The following ZC3H12B variants were observed in gnomAD, a reference collection of about 807,000 sequenced individuals.
The protein encoded by ZC3H12B is zinc finger CCCH-type containing 12B.
ZC3H12B carries 7 observed loss-of-function variants against 43.9 expected under a neutral mutation model. The ratio of observed to expected loss-of-function variants is 0.16; its 90% CI spans 0.09 to 0.30. The LOEUF (loss-of-function observed/expected upper bound fraction) is 0.30, where lower values mean the gene tolerates loss of function less well. Among genes scored for constraint, ZC3H12B ranks in the 10% least tolerant of loss-of-function variants. The pLI, the probability that ZC3H12B is intolerant of heterozygous loss-of-function variation, is 1.00. For synonymous variants in ZC3H12B, 222 were observed against 241.7 expected (o/e 0.92, Z 0.76); for missense variants, 475 against 670.2 (o/e 0.71, Z 3.22).
intron 3 of ZC3H12B, among the ~76,000 whole-genome samples, chrX:65,459,070 A>G (rs1359108045): frequency 8.9e-6 from 1 of 112,041 alleles, no homozygotes; most frequent in African/African-American, 3.2e-5. Flanking sequence ...ATCAGAGAAT[A>G]CTATAAACAC....
At chrX:65,257,054 A>C in the ZC3H12B span, among the ~76,000 whole-genome samples, 1 of 112,220 alleles carries the variant, frequency 8.9e-6, no homozygotes, top group Non-Finnish European at 1.9e-5. Flanking sequence ...GTGATTCCTC[A>C]GGGATCTAGA....
At chrX:65,247,139 G>T in the ZC3H12B span, among the ~76,000 whole-genome samples, 1 of 112,242 alleles carries the variant, frequency 8.9e-6, no homozygotes. Flanking sequence ...ATGAGAAAAA[G>T]CTCAACATCA....
At chrX:65,213,866 T>C in the ZC3H12B span, among the ~76,000 whole-genome samples, 2 of 107,463 alleles carry the variant, frequency 1.9e-5, no homozygotes, top group Admixed American at 1.0e-4. Flanking sequence ...AAGTAAATCA[T>C]TTGAAGGCAA....
chrX:65,223,561 G>A, the ZC3H12B span, among the ~76,000 whole-genome samples: 1 of 112,546 alleles, frequency 8.9e-6, no homozygotes, highest in Non-Finnish European at 1.9e-5. Flanking sequence ...GAAAGTTTTT[G>A]TAGTCTATAC....
At chrX:65,073,886 C>T in the ZC3H12B span, among the ~76,000 whole-genome samples, 1 of 111,758 alleles carries the variant, frequency 8.9e-6, no homozygotes, top group Non-Finnish European at 1.9e-5. Context: ...CCTCCTCCTT[C>T]AGCCAAGCTT....
At chrX:65,053,303 C>T in the ZC3H12B span, among the ~76,000 whole-genome samples, 4 of 110,559 alleles carry the variant, frequency 3.6e-5, no homozygotes, top group African/African-American at 1.3e-4. Context: ...TTCCCCTTCC[C>T]ATGTCCATGT....
chrX:65,197,510 G>A, the ZC3H12B span, among the ~76,000 whole-genome samples: 1 of 112,057 alleles, frequency 8.9e-6, no homozygotes, highest in Non-Finnish European at 1.9e-5. Context: ...CATTACAAAA[G>A]GCCAATGAGT....
the ZC3H12B span, among the ~76,000 whole-genome samples, chrX:65,118,639 A>G: frequency 1.8e-5 from 2 of 110,438 alleles, no homozygotes; most frequent in African/African-American, 3.3e-5. Flanking sequence ...CTGTCTTGTG[A>G]CAGTTTTCTT....
At chrX:65,397,429 C>A (rs1341871545) in intron 2 of ZC3H12B, among the ~76,000 whole-genome samples, 1 of 111,295 alleles carries the variant, frequency 9.0e-6, no homozygotes, top group Admixed American at 9.6e-5. Flanking sequence ...TGTCTGTAAA[C>A]AATTTTATTT....
intron 2 of ZC3H12B, among the ~76,000 whole-genome samples, chrX:65,378,517 T>C (rs1372332385): frequency 9.0e-6 from 1 of 110,818 alleles, no homozygotes; most frequent in Non-Finnish European, 1.9e-5. Context: ...AAAATTACCT[T>C]CACTAAAAGG....
intron 3 of ZC3H12B, among the ~76,000 whole-genome samples, chrX:65,402,230 C>T (rs2066771764): frequency 8.9e-6 from 1 of 111,915 alleles, no homozygotes. Flanking sequence ...GGTTCTCTTC[C>T]TTTGGAAAGG....
At chrX:65,386,661 C>T (rs1286612252) in intron 2 of ZC3H12B, among the ~76,000 whole-genome samples, 2 of 111,232 alleles carry the variant, frequency 1.8e-5, no homozygotes, top group Admixed American at 1.9e-4. Flanking sequence ...TCTGCTCTGA[C>T]TGTAGTTATT....
the ZC3H12B span, among the ~76,000 whole-genome samples, chrX:65,053,141 G>T: frequency 3.6e-4 from 40 of 110,227 alleles, no homozygotes; most frequent in East Asian, 0.01. Flanking sequence ...AAGTTTTAGG[G>T]TACATGTGTA....
chrX:65,283,712 G>T, the ZC3H12B span, among the ~76,000 whole-genome samples: 5 of 111,384 alleles, frequency 4.5e-5, no homozygotes, highest in Non-Finnish European at 9.4e-5. Flanking sequence ...TGACACAGAA[G>T]CCGCTAAAGA....
chrX:65,435,619 G>T (rs780330858), intron 3 of ZC3H12B, among the ~76,000 whole-genome samples: 1 of 108,568 alleles, frequency 9.2e-6, no homozygotes, highest in African/African-American at 3.4e-5. Context: ...ATTAGTCAAC[G>T]TTCTCCAGAG....
intron 3 of ZC3H12B, among the ~76,000 whole-genome samples, chrX:65,408,999 TAAG>T (rs1172915968): frequency 8.9e-6 from 1 of 112,212 alleles, no homozygotes; most frequent in East Asian, 2.8e-4. Context: ...TGGGGTGAAA[TAAG>T]AAGTTAAATT....
At chrX:65,234,677 G>A in the ZC3H12B span, among the ~76,000 whole-genome samples, 1 of 112,461 alleles carries the variant, frequency 8.9e-6, no homozygotes, top group Non-Finnish European at 1.9e-5. Context: ...CAGTAAAGTT[G>A]CAGTATACAA....
the ZC3H12B span, among the ~76,000 whole-genome samples, chrX:65,314,105 G>C: frequency 1.8e-5 from 2 of 110,736 alleles, no homozygotes; most frequent in Non-Finnish European, 3.8e-5. Flanking sequence ...TAGAGCAGTA[G>C]AACTAATGCA....
chrX:65,249,185 G>T, the ZC3H12B span, among the ~76,000 whole-genome samples: 1 of 111,694 alleles, frequency 9.0e-6, no homozygotes, highest in Non-Finnish European at 1.9e-5. Context: ...GTTTTTCAAT[G>T]TTATCTTCTA....
Sources: allele counts gnomAD v4.1 joint callset (sites outside exome capture counted in the v4.1 genomes callset), GRCh38; gene constraint gnomAD v4.1.1; transcripts MANE v1.5; gene names NCBI Gene and HGNC (gene_info 2026-07-23, HGNC 2026-07-21).